The following HNRNPC variants were observed in gnomAD, a reference collection of about 807,000 sequenced individuals.
HNRNPC encodes the protein heterogeneous nuclear ribonucleoprotein C.
A neutral mutation model predicts 33.2 loss-of-function variants in HNRNPC; 3 were observed. The observed-to-expected ratio is 0.09, with a 90% CI of 0.04 to 0.23. The LOEUF is 0.23. Among genes scored for constraint, HNRNPC ranks in the 10% least tolerant of loss-of-function variants. The pLI, the probability that HNRNPC is intolerant of heterozygous loss-of-function variation, is 1.00. For synonymous variants in HNRNPC, 121 were observed against 126.7 expected, an observed-to-expected ratio of 0.96 and a Z score of 0.30; for missense variants, 143 against 366.7, an observed-to-expected ratio of 0.39 and a Z score of 4.98.
In HNRNPC at chr14:21,234,112, C is replaced by T; in HGVS notation, c.82G>A (p.Val28Ile). The T allele has an allele frequency of 6.2e-7, 1 of 1,613,990 alleles. No individual in the cohort carries two copies. The highest frequency in any genetic ancestry group is 8.5e-7 in the Non-Finnish European group (1 of 1,179,920). The change falls in exon 3 of 9, where the codon GTC becomes ATC. Residue 28 changes from valine (V) to isoleucine (I), a missense_variant. By Grantham distance (29) the Val-to-Ile change is conservative (BLOSUM62 3). Around this residue, in one of 2 missense-constraint regions of HNRNPC, gnomAD observed 12 missense variants for 113.7 expected, o/e 0.11. Transcript: ENST00000553300. ...VFIGNLNTLV[V>I]KKSDVEAIFS... Reference sequence around the variant, plus strand: ...ATTGCCTCCACATCAGATTTCTTGACCACAAGAGTGTTGAGATTCCCAATG... The same window carrying T: ...ATTGCCTCCACATCAGATTTCTTGATCACAAGAGTGTTGAGATTCCCAATG...
chr14:21,254,060 CAAAA>C lies in HNRNPC; in HGVS notation c.-37+9247_-37+9250del, dbSNP rs575132536. ...CCTGGGCTAGAGTGAGATTCCGTCTCAAAAAAAAAAAAAAAAAAAGTGCATACTC... is the reference window on the plus strand; with the variant it reads ...CCTGGGCTAGAGTGAGATTCCGTCTCAAAAAAAAAAAAAAAGTGCATACTC... On this transcript the variant is annotated intron_variant, in intron 2 of 8. Transcript: ENST00000553300. Among the ~76,000 whole-genome samples, 9 of 52,022 alleles carry C rather than the reference CAAAA, an allele frequency of 1.7e-4. No homozygotes were observed. The East Asian group carries it at 4.8e-3, about 28-fold the overall frequency. 34.1% of individuals were successfully genotyped at this position (52,022 alleles called of 152,430 possible).
intron 6 of HNRNPC, among the ~76,000 whole-genome samples, chr14:21,212,716 G>C (rs986515042): frequency 1.3e-5 from 2 of 151,894 alleles, no homozygotes; most frequent in Non-Finnish European, 1.5e-5. Flanking sequence ...CAAATTTTTT[G>C]TATTTTCGGT....
intron 2 of HNRNPC, chr14:21,263,033 G>A (rs760863042): frequency 1.3e-5 from 2 of 152,136 alleles, no homozygotes; most frequent in East Asian, 1.9e-4. Context: ...GAGAGAAAAG[G>A]TTTACGTGAT....
At chr14:21,236,430 G>C (rs902528223) in intron 2 of HNRNPC, 1 of 152,074 alleles carries the variant, frequency 6.6e-6, no homozygotes, top group South Asian at 2.1e-4. Flanking sequence ...CTCACAATAC[G>C]GATTAATTCC....
At chr14:21,226,596 C>G (rs1035781054) in intron 5 of HNRNPC, among the ~76,000 whole-genome samples, 1 of 152,118 alleles carries the variant, frequency 6.6e-6, no homozygotes, top group East Asian at 1.9e-4. Flanking sequence ...GTGGTTCACA[C>G]ATGTCATCTC....
intron 3 of HNRNPC, among the ~76,000 whole-genome samples, chr14:21,232,052 A>C (rs1406751394): frequency 1.3e-5 from 2 of 152,160 alleles, no homozygotes; most frequent in Non-Finnish European, 2.9e-5. Context: ...TTGCTTAAAC[A>C]ACCTTTACAC....
intron 5 of HNRNPC, among the ~76,000 whole-genome samples, chr14:21,227,681 A>C (rs1259535321): frequency 6.6e-6 from 1 of 152,176 alleles, no homozygotes. Context: ...TATATATCTC[A>C]TTGTCTCAAC....
chr14:21,258,030 G>GT (rs1183944185), intron 2 of HNRNPC, among the ~76,000 whole-genome samples: 1 of 152,156 alleles, frequency 6.6e-6, no homozygotes, highest in African/African-American at 2.4e-5. Context: ...AACATATTTA[G>GT]TTTTAAAATT....
chr14:21,267,095 C>CAAAAAAAAAAAAAAAA (rs56203257), intron 1 of HNRNPC, among the ~76,000 whole-genome samples: 2 of 104,050 alleles, frequency 1.9e-5, no homozygotes, highest in Non-Finnish European at 4.0e-5. Flanking sequence ...GACTCCGTCT[C>CAAAAAAAAAAAAAAAA]AAAAAAAAAA....
Position 21,241,650 on chromosome 14 carries a change from G to A in HNRNPC, c.-36-7421C>T, listed in dbSNP as rs565831458. On this transcript the variant is annotated intron_variant, in intron 2 of 8. Transcript: ENST00000553300. ...TACTCTCTATCTGGTCACCATTTTT[G>A]TACCCTGCTTCCTATGGATCTTATT... Among the ~76,000 whole-genome samples the A allele has an allele frequency of 7.2e-5, 11 of 152,216 alleles. No homozygotes were observed. The East Asian group carries it at 2.1e-3, about 29-fold the overall frequency.
intron 5 of HNRNPC, 130 bp from the exon 6 acceptor site, chr14:21,213,247 G>A (rs961530900): frequency 3.1e-6 from 3 of 974,238 alleles, no homozygotes; most frequent in Middle Eastern, 2.8e-4. Context: ...TCATTAAGAA[G>A]GCCAGCAAAA....
chr14:21,215,293 A>G (rs373913725), intron 5 of HNRNPC, among the ~76,000 whole-genome samples: 2 of 152,334 alleles, frequency 1.3e-5, no homozygotes, highest in East Asian at 1.9e-4. Flanking sequence ...TAGAAAAAAA[A>G]CATACATAGT....
intron 2 of HNRNPC, among the ~76,000 whole-genome samples, chr14:21,240,865 C>T (rs1419198353): frequency 4.6e-5 from 7 of 152,172 alleles, no homozygotes. Flanking sequence ...AACATGCTGT[C>T]ACTTTCACTT....
intron 1 of HNRNPC, among the ~76,000 whole-genome samples, chr14:21,267,009 T>C (rs1879098443): frequency 6.8e-6 from 1 of 146,282 alleles, no homozygotes; most frequent in African/African-American, 2.5e-5. Context: ...GAGAATCGCT[T>C]GAACCCGGGA....
At chr14:21,229,804 T>C (rs1893906323) in intron 5 of HNRNPC, among the ~76,000 whole-genome samples, 1 of 152,214 alleles carries the variant, frequency 6.6e-6, no homozygotes. Context: ...GTATATAAAG[T>C]AATATGCTTT....
intron 2 of HNRNPC, among the ~76,000 whole-genome samples, chr14:21,243,123 A>G (rs1037989775): frequency 2.0e-5 from 3 of 152,180 alleles, no homozygotes; most frequent in Admixed American, 2.0e-4. Context: ...GGGGGTGGGC[A>G]GTGTGTGAAT....
chr14:21,257,647 G>A (rs1877463939), intron 2 of HNRNPC, among the ~76,000 whole-genome samples: 1 of 151,750 alleles, frequency 6.6e-6, no homozygotes, highest in Non-Finnish European at 1.5e-5. Flanking sequence ...GTACAGTGGC[G>A]CAATCATAAC....
intron 1 of HNRNPC, chr14:21,265,146 A>G (rs1878767077): frequency 2.0e-5 from 3 of 152,232 alleles, no homozygotes; most frequent in African/African-American, 7.2e-5. Flanking sequence ...TTTACATTTG[A>G]TGTGTGAAAA....
chr14:21,268,763 C>T (rs1299880138), intron 1 of HNRNPC: 1 of 152,208 alleles, frequency 6.6e-6, no homozygotes, highest in Non-Finnish European at 1.5e-5. Flanking sequence ...CGAGCTCCAT[C>T]ATTTGCTCAT....
Sources: gnomAD v4.1 joint callset for allele counts (sites outside exome capture counted in the v4.1 genomes callset) on GRCh38, gnomAD v4.1.1 for gene constraint, gnomAD v4.1.1 regional missense constraint, MANE v1.5 for transcripts, NCBI Gene and HGNC (gene_info 2026-07-23, HGNC 2026-07-21) for gene names.